RBPJ: variants seen among roughly 807,000 people sequenced by gnomAD.
RBPJ encodes recombination signal binding protein for immunoglobulin kappa J region.
RBPJ carries 9 observed loss-of-function variants against 67.8 expected under a neutral mutation model. The observed-to-expected ratio is 0.13, with a 90% CI of 0.08 to 0.23. RBPJ has a LOEUF of 0.23. RBPJ is among the 10% of genes least tolerant of loss of function. RBPJ has a pLI of 1.00. For missense variants in RBPJ, 305 were observed against 595.6 expected (o/e 0.51, Z 5.08); for synonymous variants, 198 against 203.3 (o/e 0.97, Z 0.22).
At position 26,385,571 on chromosome 4, in the gene RBPJ, C is replaced by T. The variant is rs73810220; in HGVS notation, c.21-782C>T. 4.1e-3 allele frequency among the ~76,000 whole-genome samples: 617 copies of T among 152,256 alleles called. 4 individuals are homozygous for T. Among genetic ancestry groups the T allele is most frequent in the African/African-American group, 0.014 (597 of 41,558 alleles). On this transcript the variant is annotated intron_variant, in intron 1 of 10. Coordinates refer to ENST00000355476, the MANE Select transcript of RBPJ (RefSeq NM_015874.6). ...TTGTGCTTTCTTGCCTTTGCTCTTG[C>T]TTTTCTCTTTGCCCTCTCCCAACCA...
At chr4:26,170,623 A>T (rs535101744) in intron 1 of RBPJ, among the ~76,000 whole-genome samples, 168 of 152,262 alleles carry the variant, frequency 1.1e-3, no homozygotes, top group Non-Finnish European at 1.9e-3. Context: ...AAAATTTAAG[A>T]GCAGTTAAGT....
rs144190324 is a variant in RBPJ, at chr4:26,340,659, A to G, written c.20+19611A>G. 1.9e-3 allele frequency among the ~76,000 whole-genome samples: 289 copies of G among 152,192 alleles called. 1 individual carries two copies. The highest frequency in any genetic ancestry group is 6.7e-3 in the African/African-American group (277 of 41,510). Reference sequence around the variant, plus strand: ...TGGATAATGAGGTCAGAGGACTGAGACCATCTTGGCCAACATGGTGAAACC... The same window carrying G: ...TGGATAATGAGGTCAGAGGACTGAGGCCATCTTGGCCAACATGGTGAAACC... On this transcript the variant is annotated intron_variant, in intron 1 of 10. Transcript: ENST00000355476.
the RBPJ span, among the ~76,000 whole-genome samples, chr4:26,110,052 A>G: frequency 6.6e-6 from 1 of 152,134 alleles, no homozygotes; most frequent in Non-Finnish European, 1.5e-5. The surrounding 1 kb of genome is among the most constrained non-coding windows in gnomAD (Gnocchi z 4.5). Context: ...TGTAATAACC[A>G]AATAATCAAA....
intron 1 of RBPJ, among the ~76,000 whole-genome samples, chr4:26,277,274 C>CAAAAAAAAAAAAAA (rs754017128): frequency 2.2e-4 from 25 of 113,420 alleles, no homozygotes; most frequent in Admixed American, 3.7e-4. Flanking sequence ...CCTGTTTGTT[C>CAAAAAAAAAAAAAA]AAAAAAAAAA....
chr4:26,292,044 C>A (rs967826168), intron 1 of RBPJ, among the ~76,000 whole-genome samples: 1 of 150,762 alleles, frequency 6.6e-6, no homozygotes, highest in East Asian at 2.0e-4. Flanking sequence ...ACATCCCTCA[C>A]GTCACACTTT....
upstream of RBPJ, among the ~76,000 whole-genome samples, chr4:26,316,580 T>C (rs1292444128): frequency 1.1e-5 from 1 of 89,714 alleles, no homozygotes; most frequent in African/African-American, 5.4e-5. Flanking sequence ...TTCATATATA[T>C]ACATTCATAT....
In RBPJ at chr4:26,287,495, G is replaced by A. The variant is rs150573446; in HGVS notation, c.-166-74951G>A. ...TTGAGTCAGGGAGATGGAGGCTACA[G>A]TAAGTTGTAATCATGCTGCTGCAGT... On this transcript the variant is annotated intron_variant, in intron 1 of 4. Transcript: ENST00000512351. Among the ~76,000 whole-genome samples, 922 of 150,240 alleles carry A rather than the reference G, an allele frequency of 6.1e-3. 10 individuals are homozygous for A. Among genetic ancestry groups the A allele is most frequent in the African/African-American group, 0.022 (881 of 40,618 alleles).
intron 1 of RBPJ, among the ~76,000 whole-genome samples, chr4:26,312,035 A>C (rs1189727675): frequency 6.6e-6 from 1 of 152,168 alleles, no homozygotes; most frequent in Non-Finnish European, 1.5e-5. Context: ...AAATTTACTC[A>C]TTTAGCGTCT....
At chr4:26,263,815 C>T (rs1720620442) in intron 1 of RBPJ, among the ~76,000 whole-genome samples, 1 of 151,846 alleles carries the variant, frequency 6.6e-6, no homozygotes, top group Non-Finnish European at 1.5e-5. Flanking sequence ...CGTGATCTGC[C>T]CACCTCAGTC....
chr4:26,186,999 T>C (rs1418637630), intron 1 of RBPJ, among the ~76,000 whole-genome samples: 1 of 152,102 alleles, frequency 6.6e-6, no homozygotes, highest in Non-Finnish European at 1.5e-5. Context: ...GGTGGGCAGA[T>C]TGCTTGAGCC....
chr4:26,191,554 A>G (rs1464110916), intron 1 of RBPJ, among the ~76,000 whole-genome samples: 6 of 152,152 alleles, frequency 3.9e-5, no homozygotes, highest in African/African-American at 1.4e-4. Flanking sequence ...AAGAAGCAAA[A>G]TCAGCAAAGG....
intron 1 of RBPJ, among the ~76,000 whole-genome samples, chr4:26,270,225 G>A (rs187862161): frequency 1.6e-3 from 237 of 146,274 alleles, no homozygotes; most frequent in Middle Eastern, 0.01. Context: ...AGGTTGCAGT[G>A]AGCCAAGAAA....
chr4:26,429,779 TAA>T, intron 8 of RBPJ, 117 bp from the exon 9 acceptor site: 1 of 812,148 alleles, frequency 1.2e-6, no homozygotes, highest in Non-Finnish European at 1.9e-6. Flanking sequence ...AGAAAGTTTA[TAA>T]GTTTTTACTG....
chr4:26,201,259 T>C (rs893330883), intron 1 of RBPJ, among the ~76,000 whole-genome samples: 1 of 152,204 alleles, frequency 6.6e-6, no homozygotes, highest in African/African-American at 2.4e-5. Context: ...CTGGTTTTAA[T>C]TGTGGTCCCA....
intron 1 of RBPJ, among the ~76,000 whole-genome samples, chr4:26,214,642 AAAAG>A (rs1419438601): frequency 7.0e-6 from 1 of 142,474 alleles, no homozygotes; most frequent in African/African-American, 2.7e-5. Flanking sequence ...AGAAAAAGAA[AAAAG>A]AAAGAGAAAA....
At chr4:26,354,277 T>TG (rs1201577013) in intron 1 of RBPJ, among the ~76,000 whole-genome samples, 2 of 152,090 alleles carry the variant, frequency 1.3e-5, no homozygotes, top group Non-Finnish European at 2.9e-5. Context: ...CGGGGACTGT[T>TG]TTCAGCAAGC....
At chr4:26,382,169 T>A (rs1047971621) in intron 1 of RBPJ, among the ~76,000 whole-genome samples, 6 of 152,228 alleles carry the variant, frequency 3.9e-5, no homozygotes, top group African/African-American at 1.4e-4. Context: ...GTAGACACCT[T>A]ATTTTTAAAA....
the RBPJ span, among the ~76,000 whole-genome samples, chr4:26,133,205 G>A: frequency 1.2e-4 from 19 of 152,214 alleles, no homozygotes; most frequent in African/African-American, 2.2e-4. Context: ...CTGTTTTCAC[G>A]TATGTCTGCT....
chr4:26,319,808 G>A, upstream of RBPJ: 4 of 1,430,484 alleles, frequency 2.8e-6, no homozygotes, highest in Non-Finnish European at 3.9e-6. Context: ...GGGTTTTGGG[G>A]CTCCCTGCGG....
Sources: allele counts gnomAD v4.1 joint callset (sites outside exome capture counted in the v4.1 genomes callset), GRCh38; gene constraint gnomAD v4.1.1; non-coding constraint Gnocchi (gnomAD v3.1); transcripts MANE v1.5; gene names NCBI Gene and HGNC (gene_info 2026-07-23, HGNC 2026-07-21).